Variants in RBFOX1 observed in about 807,000 individuals in gnomAD.
RBFOX1 encodes the protein RNA binding protein fox-1 homolog 1.
A neutral mutation model predicts 57.7 loss-of-function variants in RBFOX1; 8 were observed. The observed-to-expected ratio is 0.14, with a 90% CI of 0.08 to 0.25. The LOEUF is 0.25. Ranked by LOEUF, RBFOX1 falls within the 10% of genes least tolerant of loss-of-function variation. The pLI, the probability that RBFOX1 is intolerant of heterozygous loss-of-function variation, is 1.00. For synonymous variants in RBFOX1, 326 were observed against 222.4 expected, an observed-to-expected ratio of 1.47 and a Z score of -4.15; for missense variants, 611 against 548.5, an observed-to-expected ratio of 1.11 and a Z score of -1.14.
chr16:5,732,254 A>T (rs1422444578), intron 3 of RBFOX1, among the ~76,000 whole-genome samples: 4 of 152,218 alleles, frequency 2.6e-5, no homozygotes, highest in African/African-American at 9.6e-5. Context: ...TGAAATTTGT[A>T]AATCATCAGT....
In RBFOX1 at chr16:7,000,695, A is replaced by C. The variant is rs1463200190; in HGVS notation, c.-15-51362A>C. Among the ~76,000 whole-genome samples the C allele has an allele frequency of 3.6e-4, 48 of 133,892 alleles. 1 individual carries two copies. The highest frequency in any genetic ancestry group is 1.3e-3 in the African/African-American group (48 of 36,158). 87.8% of individuals were successfully genotyped at this position (133,892 alleles called of 152,430 possible). ...TCTCGGCTCACTGCAACCTCTGCCT[A>C]CCGGGTTCATGCCATTCTCCTGCCT... On this transcript the variant is annotated intron_variant, in intron 3 of 15. Coordinates refer to ENST00000550418, the MANE Select transcript of RBFOX1 (RefSeq NM_018723.4).
intron 3 of RBFOX1, among the ~76,000 whole-genome samples, chr16:6,829,398 T>A (rs72766777): frequency 0.068 from 10,319 of 151,194 alleles, 464 homozygotes; most frequent in Non-Finnish European, 0.098. Context: ...CACATAGATA[T>A]ATAGAACGAT....
intron 3 of RBFOX1, among the ~76,000 whole-genome samples, chr16:6,979,487 A>G (rs890609681): frequency 6.6e-6 from 1 of 152,192 alleles, no homozygotes; most frequent in Non-Finnish European, 1.5e-5. Flanking sequence ...GTACCTTTCT[A>G]TTGATTGAAG....
At chr16:5,925,143 A>G (rs1313992166) in intron 4 of RBFOX1, among the ~76,000 whole-genome samples, 1 of 152,168 alleles carries the variant, frequency 6.6e-6, no homozygotes, top group African/African-American at 2.4e-5. Context: ...ATGCCTCTGC[A>G]GACAAACTTC....
intron 1 of RBFOX1, among the ~76,000 whole-genome samples, chr16:5,455,500 C>T (rs966785035): frequency 4.5e-4 from 68 of 152,166 alleles, no homozygotes; most frequent in African/African-American, 1.6e-3. Context: ...TTCAAAACCA[C>T]CCCAAGGAGG....
At position 7,275,685 on chromosome 16, in the gene RBFOX1, T is replaced by C. The variant is rs1476687121; in HGVS notation, c.27+223587T>C. Among the ~76,000 whole-genome samples the C allele has an allele frequency of 2.6e-5, 4 of 152,318 alleles. No individual in the cohort carries two copies. In the East Asian group the frequency reaches 7.7e-4, roughly 29 times the overall value. ...CATAATTGGAGTTCTGGACACACTC[T>C]CTCCCAGGATTATAGGTATGAGATT... On this transcript the variant is annotated intron_variant, in intron 4 of 15. Coordinates refer to ENST00000550418, the MANE Select transcript of RBFOX1 (RefSeq NM_018723.4).
chr16:5,857,466 A>C lies in RBFOX1; in HGVS notation c.319-9837A>C, dbSNP rs2057101418. Among the ~76,000 whole-genome samples, 3 of 152,162 alleles carry C rather than the reference A, an allele frequency of 2.0e-5. No homozygotes were observed. In the South Asian group the frequency reaches 6.2e-4, roughly 32 times the overall value. ...GACACAGGGTTGCCGTAAAGCTTTAATTGATTAAAGAGCAAGCAGTGTCTG... is the reference window on the plus strand; with the variant it reads ...GACACAGGGTTGCCGTAAAGCTTTACTTGATTAAAGAGCAAGCAGTGTCTG... On this transcript the variant is annotated intron_variant, in intron 3 of 19. Transcript: ENST00000641259.
chr16:6,406,468 A>G (rs1374217749), intron 2 of RBFOX1, among the ~76,000 whole-genome samples: 1 of 152,190 alleles, frequency 6.6e-6, no homozygotes, highest in Non-Finnish European at 1.5e-5. Context: ...AAATAGGAAA[A>G]TTTTATTACT....
intron 3 of RBFOX1, among the ~76,000 whole-genome samples, chr16:6,679,345 G>A (rs1034602751): frequency 1.6e-4 from 25 of 152,090 alleles, no homozygotes; most frequent in Non-Finnish European, 1.5e-5. Flanking sequence ...TTGATATGTG[G>A]ATGTTCTGAT....
rs1202406885 is a variant in RBFOX1, at chr16:6,998,861, TTAAG to T, written c.-15-53193_-15-53190del. Among the ~76,000 whole-genome samples, 88 of 151,900 alleles carry T rather than the reference TTAAG, an allele frequency of 5.8e-4. 3 individuals are homozygous for T. The highest frequency in any genetic ancestry group is 1.4e-4 in the African/African-American group (6 of 41,394). On this transcript the variant is annotated intron_variant, in intron 3 of 15. Transcript: ENST00000550418. ...TCATGTTTCTTCTTTTTTTAATTAA[TTAAG>T]TATTATTATTATTATTATTTTGCGA...
At chr16:7,708,957 A>G in intron 14 of RBFOX1, 99 bp from the exon 15 acceptor site, 3 of 933,146 alleles carry the variant, frequency 3.2e-6, no homozygotes, top group East Asian at 4.9e-5. Flanking sequence ...GAAGATGAGT[A>G]GGGCCCCTGC....
At chr16:7,046,603 C>CTTT (rs59921108) in intron 3 of RBFOX1, among the ~76,000 whole-genome samples, 14 of 84,976 alleles carry the variant, frequency 1.6e-4, no homozygotes, top group South Asian at 1.5e-3. Context: ...TGTGTTTTAT[C>CTTT]TTTTTTTTTT....
intron 3 of RBFOX1, among the ~76,000 whole-genome samples, chr16:6,876,789 C>T (rs1567675666): frequency 6.6e-6 from 1 of 152,048 alleles, no homozygotes; most frequent in Non-Finnish European, 1.5e-5. Context: ...TACAAGAAAA[C>T]ATGAAATAAC....
At chr16:5,407,326 C>G (rs2151454390) in intron 1 of RBFOX1, among the ~76,000 whole-genome samples, 1 of 152,150 alleles carries the variant, frequency 6.6e-6, no homozygotes, top group East Asian at 1.9e-4. Context: ...GACACAATGC[C>G]TAACTATATC....
intron 4 of RBFOX1, among the ~76,000 whole-genome samples, chr16:7,257,651 C>G (rs576459487): frequency 6.6e-6 from 1 of 152,266 alleles, no homozygotes; most frequent in African/African-American, 2.4e-5. Context: ...TACTCCCAAC[C>G]CTCCTCTGTA....
At chr16:5,622,159 C>T (rs1206129325) in intron 3 of RBFOX1, among the ~76,000 whole-genome samples, 12 of 152,170 alleles carry the variant, frequency 7.9e-5, no homozygotes, top group Non-Finnish European at 1.6e-4. Flanking sequence ...CACTTGGCAT[C>T]GATGATCCAC....
At chr16:7,313,080 G>A (rs1182947974) in intron 4 of RBFOX1, among the ~76,000 whole-genome samples, 1 of 152,050 alleles carries the variant, frequency 6.6e-6, no homozygotes, top group African/African-American at 2.4e-5. Flanking sequence ...AAAAGAAAGG[G>A]GTGTGGGACT....
intron 2 of RBFOX1, among the ~76,000 whole-genome samples, chr16:6,379,736 C>A (rs1293914618): frequency 6.7e-6 from 1 of 150,242 alleles, no homozygotes; most frequent in Admixed American, 6.6e-5. Context: ...TGGGAATATG[C>A]CAGAGACAGG....
intron 8 of RBFOX1, among the ~76,000 whole-genome samples, chr16:7,597,064 A>G (rs1300163550): frequency 6.6e-6 from 1 of 152,206 alleles, no homozygotes; most frequent in East Asian, 1.9e-4. Flanking sequence ...ACCATGGAGT[A>G]CACGCATGCT....
Sources: gnomAD v4.1 joint callset for allele counts (sites outside exome capture counted in the v4.1 genomes callset) on GRCh38, gnomAD v4.1.1 for gene constraint, MANE v1.5 for transcripts, NCBI Gene and HGNC (gene_info 2026-07-23, HGNC 2026-07-21) for gene names.